Variants in WTIP observed in about 807,000 individuals in gnomAD.
WTIP encodes the protein WT1 interacting protein.
In WTIP, 23 loss-of-function variants were observed where a neutral mutation model predicts 41.7. That is an observed-to-expected ratio of 0.55 (90% CI 0.40 to 0.78). The LOEUF (loss-of-function observed/expected upper bound fraction) is 0.78. WTIP is among the 30% of genes least tolerant of loss of function. WTIP has a pLI of 0.00. For missense variants in WTIP, 619 were observed against 610.5 expected (o/e 1.01, Z -0.15); for synonymous variants, 314 against 269.9 (o/e 1.16, Z -1.60).
chr19:34,499,991 G>C, intron 7 of WTIP, 138 bp from the exon 8 acceptor site: 1 of 1,288,044 alleles, frequency 7.8e-7, no homozygotes, highest in South Asian at 1.5e-5. Flanking sequence ...GTGAGCCCCT[G>C]CGCCCGGCGG....
rs1328265224 is a variant in WTIP at position 34,493,677 on chromosome 19, T to C, written c.1031+55T>C. 1 of 1,606,498 alleles carries C rather than the reference T, an allele frequency of 6.2e-7. No individual in the cohort carries two copies. The highest frequency in any genetic ancestry group is 1.3e-5 in the African/African-American group (1 of 74,848). On this transcript the variant is annotated intron_variant, in intron 5 of 7. Transcript: ENST00000590071. The surrounding 1 kb of genome is among the most constrained non-coding windows in gnomAD (Gnocchi z 4.1). ...GACTCGGGCCGTCCTCCCTGGCTCC[T>C]CTGGAAGCATTTTTTTCCTGCTGGA... is the stretch of plus-strand genomic sequence containing the variant.
At chr19:34,499,993 G>C (rs2075875762) in intron 7 of WTIP, 136 bp from the exon 8 acceptor site, 3 of 1,295,446 alleles carry the variant, frequency 2.3e-6, no homozygotes, top group South Asian at 1.5e-5. Context: ...GAGCCCCTGC[G>C]CCCGGCGGAA....
At chr19:34,485,692 T>TA (rs529299900) in intron 1 of WTIP, among the ~76,000 whole-genome samples, 103 of 152,152 alleles carry the variant, frequency 6.8e-4, no homozygotes, top group South Asian at 1.2e-3. Flanking sequence ...CTCCTGGGCT[T>TA]AAGCAATCCT....
intron 5 of WTIP, 47 bp from the exon 6 acceptor site, chr19:34,494,539 C>T (rs2075843029): frequency 6.3e-7 from 1 of 1,596,978 alleles, no homozygotes; most frequent in South Asian, 1.1e-5. Flanking sequence ...GTGCCCTTGG[C>T]CTCTGGTCAC....
chr19:34,493,772 G>T lies in WTIP; in HGVS notation c.1031+150G>T. The T allele has an allele frequency of 9.0e-7, 1 of 1,112,788 alleles. No individual in the cohort carries two copies. Among genetic ancestry groups the T allele is most frequent in the Non-Finnish European group, 1.3e-6 (1 of 770,930 alleles). The allele number at this position is 1,112,788 out of a possible 1,614,324, so 68.9% of individuals were successfully genotyped here. The stretch of plus-strand genomic sequence containing the variant: ...GTACACCTGGGCTTGGGGCAGGCAT[G>T]TGTCTCTGCCTGCATCCCCTCTCCT... On this transcript the variant is annotated intron_variant, in intron 5 of 7. Transcript: ENST00000590071. The surrounding 1 kb of genome is among the most constrained non-coding windows in gnomAD (Gnocchi z 4.1).
chr19:34,501,165 C>T lies in WTIP; in HGVS notation c.*896C>T, dbSNP rs1194453356. 1 of 152,668 alleles carries T rather than the reference C, an allele frequency of 6.6e-6. No individual in the cohort carries two copies. The allele number at this position is 152,668 out of a possible 1,614,324, so 9.5% of individuals were successfully genotyped here. ...ATTTTCTTTAAAAGAATATAATTTT[C>T]TTCTAAGATCTTGGACCAGCCTTGT... On this transcript the variant is annotated 3_prime_UTR_variant, in exon 8 of 8. Transcript: ENST00000590071.
rs1284161012 is a variant in WTIP at position 34,482,098 on chromosome 19, G to C, written c.124G>C (p.Gly42Arg). The stretch of plus-strand genomic sequence containing the variant: ...GCGGCGGGGGCCGCGGCCTGGGCCT[G>C]GAGACGAGGCGGCGCCCGCGCTGGG... ...RGRRGPRPGP[G>R]DEAAPALGRR... is the part of the protein sequence containing the mutation. Residue 42 changes from glycine (G) to arginine (R), a missense_variant, in exon 1 of 8, where the codon GGA becomes CGA. By Grantham distance (125) the Gly-to-Arg change is moderately radical. This residue lies in a region of WTIP where 363 missense variants were observed against 309.0 expected (regional missense o/e 1.17). Coordinates refer to ENST00000590071, the MANE Select transcript of WTIP (RefSeq NM_001080436.2). The C allele has an allele frequency of 7.7e-6, 8 of 1,042,112 alleles. No individual in the cohort carries two copies. The highest frequency in any genetic ancestry group is 9.2e-6 in the Non-Finnish European group (8 of 868,238). 64.6% of individuals were successfully genotyped at this position (1,042,112 alleles called of 1,614,324 possible).
chr19:34,494,521 C>G lies in WTIP; in HGVS notation c.1032-65C>G, dbSNP rs1416470299. 7 of 1,544,488 alleles carry G rather than the reference C, an allele frequency of 4.5e-6. No homozygotes were observed. The East Asian group carries it at 1.6e-4, about 35-fold the overall frequency. ...CGTCAGTGGGTTCCTGTGGGTGCCC[C>G]TGTGCTTGTGCCCTTGGCCTCTGGT... On this transcript the variant is annotated intron_variant, in intron 5 of 7. Transcript: ENST00000590071.
At position 34,512,080 on chromosome 19, in the gene WTIP, T is replaced by C. The variant is rs1286683383; in HGVS notation, c.*11811T>C. On this transcript the variant is annotated 3_prime_UTR_variant, in exon 8 of 8. Transcript: ENST00000590071. Reference sequence around the variant, plus strand: ...GGATTAGGGTCTTCAGAAGCCTTACTTGTTTTTCTGGCTCTATTTTCTTGT... The same window carrying C: ...GGATTAGGGTCTTCAGAAGCCTTACCTGTTTTTCTGGCTCTATTTTCTTGT... 1 of 152,122 alleles carries C rather than the reference T, an allele frequency of 6.6e-6. No individual in the cohort carries two copies. Among genetic ancestry groups the C allele is most frequent in the Non-Finnish European group, 1.5e-5 (1 of 68,026 alleles). 9.4% of individuals were successfully genotyped at this position (152,122 alleles called of 1,614,324 possible).
intron 2 of WTIP, among the ~76,000 whole-genome samples, chr19:34,491,564 C>T (rs544558372): frequency 3.9e-5 from 6 of 152,154 alleles, no homozygotes; most frequent in South Asian, 4.1e-4. Flanking sequence ...CTTTGTGATC[C>T]GCCTGCCTTG....
At chr19:34,492,261 C>T (rs1243075046) in intron 2 of WTIP, among the ~76,000 whole-genome samples, 4 of 150,762 alleles carry the variant, frequency 2.7e-5, no homozygotes, top group African/African-American at 7.3e-5. Context: ...ACTACAGACA[C>T]GTACCACCAC....
In WTIP at chr19:34,509,194, G is replaced by A. The variant is rs2075924624; in HGVS notation, c.*8925G>A. The A allele has an allele frequency of 6.6e-6, 1 of 152,244 alleles. No individual in the cohort carries two copies. The highest frequency in any genetic ancestry group is 2.4e-5 in the African/African-American group (1 of 41,430). The allele number at this position is 152,244 out of a possible 1,614,324, so 9.4% of individuals were successfully genotyped here. The stretch of plus-strand genomic sequence containing the variant: ...AGCCAGGGTAACACAGCGAGACCCT[G>A]TGTTAGCCTGTTTTCACGCTGCTGA... On this transcript the variant is annotated 3_prime_UTR_variant, in exon 8 of 8. Coordinates refer to ENST00000590071, the MANE Select transcript of WTIP (RefSeq NM_001080436.2).
At position 34,500,437 on chromosome 19, in the gene WTIP, G is replaced by C; in HGVS notation, c.*168G>C. 1.0e-6 allele frequency: 1 copy of C among 1,001,476 alleles called. No individual in the cohort carries two copies. Among genetic ancestry groups the C allele is most frequent in the Non-Finnish European group, 1.4e-6 (1 of 719,912 alleles). 62.0% of individuals were successfully genotyped at this position (1,001,476 alleles called of 1,614,324 possible). On this transcript the variant is annotated 3_prime_UTR_variant, in exon 8 of 8. Coordinates refer to ENST00000590071, the MANE Select transcript of WTIP (RefSeq NM_001080436.2). ...GGAAGCTTCTATTTATTCACCGTCT[G>C]TGCCTGCTCAAGTCACTTCCCTGCG... is the stretch of plus-strand genomic sequence containing the variant.
chr19:34,494,947 C>G (rs1045381451), intron 6 of WTIP, among the ~76,000 whole-genome samples: 1 of 152,188 alleles, frequency 6.6e-6, no homozygotes, highest in Non-Finnish European at 1.5e-5. Flanking sequence ...GGTGGGGGTG[C>G]TGGGGGAGCA....
At chr19:34,499,603 C>G (rs2075873530) in intron 7 of WTIP, among the ~76,000 whole-genome samples, 1 of 152,156 alleles carries the variant, frequency 6.6e-6, no homozygotes, top group African/African-American at 2.4e-5. Context: ...CGCAGTCTGA[C>G]TTATATCCAG....
At chr19:34,495,855 C>A in intron 7 of WTIP, 84 bp downstream of exon 7, 1 of 1,446,056 alleles carries the variant, frequency 6.9e-7, no homozygotes. Flanking sequence ...TGTGGGCTTA[C>A]CTTATCAAAA....
At chr19:34,483,914 G>A (rs1264818945) in intron 1 of WTIP, among the ~76,000 whole-genome samples, 1 of 143,778 alleles carries the variant, frequency 7.0e-6, no homozygotes, top group African/African-American at 2.6e-5. Flanking sequence ...CCCTGAACTG[G>A]ATCTTTTTTT....
Position 34,508,990 on chromosome 19 carries a change from C to T in WTIP, c.*8721C>T, listed in dbSNP as rs1255146661. The T allele has an allele frequency of 6.6e-6, 1 of 152,228 alleles. No homozygotes were observed. Among genetic ancestry groups the T allele is most frequent in the East Asian group, 1.9e-4 (1 of 5,202 alleles). The allele number at this position is 152,228 out of a possible 1,614,324, so 9.4% of individuals were successfully genotyped here. Reference sequence around the variant, plus strand: ...AAATGATTTATTTCTTATAAAACATCATCTGTTTTTCTACTGGACCTGGCT... The same window carrying T: ...AAATGATTTATTTCTTATAAAACATTATCTGTTTTTCTACTGGACCTGGCT... On this transcript the variant is annotated 3_prime_UTR_variant, in exon 8 of 8. Coordinates refer to ENST00000590071, the MANE Select transcript of WTIP (RefSeq NM_001080436.2).
chr19:34,490,084 CA>C (rs2075817896), intron 1 of WTIP, among the ~76,000 whole-genome samples: 1 of 152,186 alleles, frequency 6.6e-6, no homozygotes, highest in Admixed American at 6.5e-5. Flanking sequence ...ATTTATAAAT[CA>C]AAAACCAAAA....
Sources: gnomAD v4.1 joint callset for allele counts (sites outside exome capture counted in the v4.1 genomes callset) on GRCh38, gnomAD v4.1.1 for gene constraint, gnomAD v4.1.1 regional missense constraint, Gnocchi (gnomAD v3.1) non-coding constraint, MANE v1.5 for transcripts, NCBI Gene and HGNC (gene_info 2026-07-23, HGNC 2026-07-21) for gene names.